RNF13: variants seen among roughly 807,000 people sequenced by gnomAD.
The protein encoded by RNF13 is ring finger protein 13.
A neutral mutation model predicts 37.7 loss-of-function variants in RNF13; 19 were observed. The ratio of observed to expected loss-of-function variants is 0.50; its 90% confidence interval spans 0.35 to 0.74. RNF13 has a LOEUF of 0.74. Ranked by LOEUF, RNF13 falls within the 30% of genes least tolerant of loss-of-function variation. The pLI is 0.01. For missense variants in RNF13, 375 were observed against 453.0 expected (o/e 0.83, Z 1.56); for synonymous variants, 144 against 157.8 (o/e 0.91, Z 0.65).
intron 4 of RNF13, among the ~76,000 whole-genome samples, chr3:149,889,702 T>TGGAGTGTA (rs1273862470): frequency 6.7e-6 from 1 of 149,734 alleles, no homozygotes; most frequent in African/African-American, 2.5e-5. Context: ...TCGCCCAGGC[T>TGGAGTGTA]GGAGTGTAGT....
intron 2 of RNF13, among the ~76,000 whole-genome samples, chr3:149,848,995 C>T (rs1315251554): frequency 1.3e-5 from 2 of 152,116 alleles, no homozygotes; most frequent in Non-Finnish European, 2.9e-5. Context: ...TAATTAAAAG[C>T]CTTCTCTTAG....
intron 2 of RNF13, among the ~76,000 whole-genome samples, chr3:149,852,190 C>T (rs1209655289): frequency 1.3e-5 from 2 of 152,224 alleles, no homozygotes; most frequent in East Asian, 1.9e-4. Flanking sequence ...TAAAATGGAA[C>T]ACTCCTCCTG....
chr3:149,821,400 C>T (rs534259325), intron 1 of RNF13, among the ~76,000 whole-genome samples: 1 of 152,114 alleles, frequency 6.6e-6, no homozygotes, highest in African/African-American at 2.4e-5. Context: ...TTTTGATTTG[C>T]GTTTCCCAGA....
rs577443508 is a variant in RNF13, at chr3:149,868,272, C to G, written c.196-3757C>G. 4.0e-5 allele frequency among the ~76,000 whole-genome samples: 6 copies of G among 151,610 alleles called. No individual in the cohort carries two copies. In the South Asian group the frequency reaches 1.2e-3, roughly 32 times the overall value. On this transcript the variant is annotated intron_variant, in intron 3 of 9. Transcript: ENST00000392894. Reference sequence around the variant, plus strand: ...TATGGTGTGAGTATTCTGGGTTTGTCTATGTACTTAATTGTACCAGTGCGT... The same window carrying G: ...TATGGTGTGAGTATTCTGGGTTTGTGTATGTACTTAATTGTACCAGTGCGT...
chr3:149,918,784 C>T (rs1412596057), intron 7 of RNF13, among the ~76,000 whole-genome samples: 1 of 151,804 alleles, frequency 6.6e-6, no homozygotes, highest in African/African-American at 2.4e-5. Flanking sequence ...CAGCCTTGGC[C>T]TCCCAAAGCA....
chr3:149,939,865 C>T (rs1720081471), intron 8 of RNF13: 1 of 451,992 alleles, frequency 2.2e-6, no homozygotes, highest in Non-Finnish European at 4.2e-6. Flanking sequence ...CTCCAGAGAA[C>T]AGCCGCGCAG....
chr3:149,955,855 C>T (rs1222520266), intron 8 of RNF13, among the ~76,000 whole-genome samples: 1 of 152,190 alleles, frequency 6.6e-6, no homozygotes, highest in Non-Finnish European at 1.5e-5. Context: ...TTAACTTCTA[C>T]ATCAATTTGT....
intron 8 of RNF13, among the ~76,000 whole-genome samples, chr3:149,937,322 A>G (rs1237611221): frequency 2.0e-5 from 3 of 152,122 alleles, no homozygotes; most frequent in African/African-American, 7.2e-5. Context: ...CAGGATAGGA[A>G]CCGTAAGTCT....
Position 149,846,044 on chromosome 3 carries a change from G to T in RNF13, c.18G>T (p.Gly6=). The change falls in exon 2 of 10, where the codon GGG becomes GGT. Residue 6 remains glycine, a synonymous_variant. Transcript: ENST00000392894. MLLSI[G]MLMLSATQVY... ...ACAACGAGATGCTGCTCTCCATAGG[G>T]ATGCTCATGCTGTCAGCCACACAAG... 1 of 1,611,056 alleles carries T rather than the reference G, an allele frequency of 6.2e-7. No individual in the cohort carries two copies. The highest frequency in any genetic ancestry group is 2.2e-5 in the East Asian group (1 of 44,788).
intron 7 of RNF13, among the ~76,000 whole-genome samples, chr3:149,912,908 A>C (rs1717136050): frequency 6.6e-6 from 1 of 152,158 alleles, no homozygotes; most frequent in African/African-American, 2.4e-5. Flanking sequence ...TATAGGCTAC[A>C]TGATGTGCAA....
chr3:149,828,227 A>G (rs1305694363), intron 1 of RNF13, among the ~76,000 whole-genome samples: 1 of 152,204 alleles, frequency 6.6e-6, no homozygotes, highest in Non-Finnish European at 1.5e-5. Flanking sequence ...ATGACAGTGC[A>G]AGTTACTATT....
At chr3:149,842,626 G>A (rs913444029) in intron 1 of RNF13, among the ~76,000 whole-genome samples, 4 of 151,922 alleles carry the variant, frequency 2.6e-5, no homozygotes, top group African/African-American at 9.7e-5. Flanking sequence ...AAATATTAAG[G>A]GTTTACCTAT....
intron 8 of RNF13, among the ~76,000 whole-genome samples, chr3:149,929,213 A>G (rs1718941273): frequency 6.6e-6 from 1 of 152,198 alleles, no homozygotes; most frequent in African/African-American, 2.4e-5. Flanking sequence ...GCCTCAGGAA[A>G]CTTCTAATCA....
intron 1 of RNF13, among the ~76,000 whole-genome samples, chr3:149,843,333 G>A (rs1400897041): frequency 6.6e-6 from 1 of 152,128 alleles, no homozygotes; most frequent in Non-Finnish European, 1.5e-5. Flanking sequence ...GATACCAAGG[G>A]ACAACTCTAT....
At chr3:149,960,231 C>T (rs999289022) in intron 9 of RNF13, 95 bp downstream of exon 9, 1 of 819,472 alleles carries the variant, frequency 1.2e-6, no homozygotes, top group African/African-American at 1.7e-5. Flanking sequence ...GTTATTAGCA[C>T]ACCAGAAGCC....
chr3:149,946,329 C>A (rs150355605), intron 8 of RNF13, among the ~76,000 whole-genome samples: 40 of 152,288 alleles, frequency 2.6e-4, no homozygotes, highest in African/African-American at 9.6e-4. Flanking sequence ...GATTGCAGTT[C>A]TTTCAAAGAG....
chr3:149,909,952 GAA>G (rs3836226), intron 6 of RNF13, among the ~76,000 whole-genome samples: 1 of 148,606 alleles, frequency 6.7e-6, no homozygotes, highest in African/African-American at 2.5e-5. Flanking sequence ...AAAAAGAGAA[GAA>G]AAAAAAAAAC....
At chr3:149,861,399 A>C (rs1724241574) in intron 3 of RNF13, among the ~76,000 whole-genome samples, 1 of 152,182 alleles carries the variant, frequency 6.6e-6, no homozygotes, top group African/African-American at 2.4e-5. Flanking sequence ...GAATAGATGA[A>C]TGGATTAAAA....
At chr3:149,901,428 G>C (rs1190171165) in intron 5 of RNF13, among the ~76,000 whole-genome samples, 1 of 152,022 alleles carries the variant, frequency 6.6e-6, no homozygotes, top group Non-Finnish European at 1.5e-5. Flanking sequence ...TTCTTTTTGG[G>C]TGGCATTTGA....
Sources: allele counts gnomAD v4.1 joint callset (sites outside exome capture counted in the v4.1 genomes callset), GRCh38; gene constraint gnomAD v4.1.1; transcripts MANE v1.5; gene names NCBI Gene and HGNC (gene_info 2026-07-23, HGNC 2026-07-21).